AGBL4: variants seen among roughly 807,000 people sequenced by gnomAD.
The protein encoded by AGBL4 is AGBL carboxypeptidase 4, also known as cytosolic carboxypeptidase 6.
In AGBL4, 58 loss-of-function variants were observed where a neutral mutation model predicts 66.4. The observed-to-expected ratio is 0.87, with a 90% CI of 0.71 to 1.09. The LOEUF is 1.09. Ranked by LOEUF, AGBL4 falls within the 50% of genes least tolerant of loss-of-function variation. AGBL4 has a pLI of 0.00. For missense variants in AGBL4, 579 were observed against 631.0 expected (o/e 0.92, Z 0.88); for synonymous variants, 234 against 222.9 (o/e 1.05, Z -0.44).
chr1:49,844,095 C>G (rs897218671), intron 2 of AGBL4, among the ~76,000 whole-genome samples: 1 of 152,190 alleles, frequency 6.6e-6, no homozygotes, highest in African/African-American at 2.4e-5. Flanking sequence ...CTTTAATACA[C>G]CAAGGGTCAT....
At chr1:49,915,455 A>G (rs1651334196) in intron 1 of AGBL4, among the ~76,000 whole-genome samples, 2 of 152,174 alleles carry the variant, frequency 1.3e-5, no homozygotes, top group Admixed American at 1.3e-4. Context: ...CCTGGCTTGG[A>G]GGGTCCCACG....
rs376213539 is a variant in AGBL4, at chr1:48,920,610, C to A, written c.595-53380G>T. Among the ~76,000 whole-genome samples the A allele has an allele frequency of 1.1e-4, 16 of 152,320 alleles. No individual in the cohort carries two copies. The South Asian group carries it at 1.5e-3, about 14-fold the overall frequency. On this transcript the variant is annotated intron_variant, in intron 5 of 13. Coordinates refer to ENST00000371839, the MANE Select transcript of AGBL4 (RefSeq NM_032785.4). ...GAGGTAAGAATAATTACTGCCACTTCATGGACAAGAAAATCAATGTTCAGA... is the reference window on the plus strand; with the variant it reads ...GAGGTAAGAATAATTACTGCCACTTAATGGACAAGAAAATCAATGTTCAGA...
At chr1:49,632,944 C>T (rs181842882) in intron 3 of AGBL4, among the ~76,000 whole-genome samples, 5 of 152,010 alleles carry the variant, frequency 3.3e-5, no homozygotes, top group African/African-American at 9.6e-5. Flanking sequence ...CATGGTGGCG[C>T]GTGCCTGTAG....
At chr1:48,891,795 C>A (rs1185813294) in intron 5 of AGBL4, among the ~76,000 whole-genome samples, 1 of 152,152 alleles carries the variant, frequency 6.6e-6, no homozygotes, top group African/African-American at 2.4e-5. Context: ...GGAGCTCATA[C>A]AACCATTAAA....
chr1:49,847,540 A>G (rs1307526375), intron 2 of AGBL4, among the ~76,000 whole-genome samples: 2 of 152,200 alleles, frequency 1.3e-5, no homozygotes, highest in African/African-American at 2.4e-5. Flanking sequence ...TCCAAATTTT[A>G]TCCAATTTTT....
At chr1:49,940,703 G>T (rs1418990798) in intron 1 of AGBL4, among the ~76,000 whole-genome samples, 3 of 151,988 alleles carry the variant, frequency 2.0e-5, no homozygotes, top group East Asian at 1.9e-4. Context: ...GACTGTTGTG[G>T]GGTGGGGGTA....
intron 4 of AGBL4, among the ~76,000 whole-genome samples, chr1:49,130,595 C>G (rs867158089): frequency 2.6e-5 from 4 of 151,954 alleles, no homozygotes; most frequent in South Asian, 2.1e-4. Flanking sequence ...GCTTGTTTTT[C>G]TCAGGTTTGT....
chr1:49,869,084 A>C (rs1646775792), intron 1 of AGBL4, among the ~76,000 whole-genome samples: 2 of 152,182 alleles, frequency 1.3e-5, no homozygotes, highest in African/African-American at 4.8e-5. Context: ...GATTATTAAA[A>C]AGTCAAGAAA....
intron 2 of AGBL4, among the ~76,000 whole-genome samples, chr1:49,755,432 T>A (rs1461773012): frequency 6.6e-6 from 1 of 152,192 alleles, no homozygotes; most frequent in African/African-American, 2.4e-5. Flanking sequence ...ATCCTTCAGC[T>A]GCCACACACA....
intron 3 of AGBL4, among the ~76,000 whole-genome samples, chr1:49,655,408 A>C (rs1454044637): frequency 2.0e-5 from 3 of 152,138 alleles, no homozygotes; most frequent in Non-Finnish European, 4.4e-5. Flanking sequence ...TCTGACAATT[A>C]AGTGTCTTGG....
chr1:49,692,217 G>A (rs368071728), intron 3 of AGBL4, among the ~76,000 whole-genome samples: 76 of 152,248 alleles, frequency 5.0e-4, no homozygotes, highest in African/African-American at 1.8e-3. Context: ...TCATTTTACA[G>A]ATGAGAAAAC....
intron 3 of AGBL4, among the ~76,000 whole-genome samples, chr1:49,286,674 C>G (rs891001595): frequency 1.8e-4 from 27 of 151,702 alleles, no homozygotes; most frequent in African/African-American, 6.3e-4. Flanking sequence ...AGGACCTCTT[C>G]AAGGAGAACT....
intron 3 of AGBL4, among the ~76,000 whole-genome samples, chr1:49,554,933 G>T (rs1378489959): frequency 1.3e-5 from 2 of 152,180 alleles, no homozygotes; most frequent in Admixed American, 1.3e-4. Context: ...GAGTGAAGCT[G>T]CAGACCTTCA....
chr1:49,508,498 G>A (rs1453327933), intron 3 of AGBL4, among the ~76,000 whole-genome samples: 2 of 151,880 alleles, frequency 1.3e-5, no homozygotes, highest in Non-Finnish European at 2.9e-5. Flanking sequence ...TGAAAGTGAT[G>A]GACTGAGGGC....
At chr1:49,556,309 C>T (rs1375032532) in intron 3 of AGBL4, among the ~76,000 whole-genome samples, 1 of 151,958 alleles carries the variant, frequency 6.6e-6, no homozygotes, top group African/African-American at 2.4e-5. Flanking sequence ...TGTTCTCACT[C>T]ATAGGTGGGA....
chr1:49,473,257 G>A (rs1373899138), intron 3 of AGBL4, among the ~76,000 whole-genome samples: 1 of 152,026 alleles, frequency 6.6e-6, no homozygotes, highest in African/African-American at 2.4e-5. Context: ...TTACATTCAT[G>A]CCAACGGTGT....
intron 3 of AGBL4, among the ~76,000 whole-genome samples, chr1:49,364,435 A>C (rs1644203006): frequency 6.6e-6 from 1 of 152,176 alleles, no homozygotes; most frequent in Non-Finnish European, 1.5e-5. Flanking sequence ...ACCAACAAGT[A>C]CTTTAATTAT....
rs544763753 is a variant in AGBL4 at position 49,971,376 on chromosome 1, T to TC, written c.34+52386_34+52387insG. Among the ~76,000 whole-genome samples, 52 of 152,326 alleles carry TC rather than the reference T, an allele frequency of 3.4e-4. 1 individual carries two copies. In the South Asian group the frequency reaches 9.5e-3, roughly 28 times the overall value. On this transcript the variant is annotated intron_variant, in intron 1 of 13. Transcript: ENST00000371839. ...TGTTGCAGTATCACAGTACTTGTGT[T>TC]AAGTAATCTTTATTTTACTTAATAA...
intron 4 of AGBL4, among the ~76,000 whole-genome samples, chr1:49,096,741 A>G (rs184368045): frequency 8.9e-4 from 135 of 151,544 alleles, no homozygotes; most frequent in Non-Finnish European, 5.3e-4. Context: ...CTAATGTTAA[A>G]TGACGAGGTA....
Sources: gnomAD v4.1 joint callset for allele counts (sites outside exome capture counted in the v4.1 genomes callset) on GRCh38, gnomAD v4.1.1 for gene constraint, MANE v1.5 for transcripts, NCBI Gene and HGNC (gene_info 2026-07-23, HGNC 2026-07-21) for gene names.